MLLT10: variants seen among roughly 807,000 people sequenced by gnomAD.
MLLT10 encodes the protein MLLT10 histone lysine methyltransferase DOT1L cofactor, also known as protein AF-10.
A neutral mutation model predicts 129.1 loss-of-function variants in MLLT10; 30 were observed. The observed-to-expected ratio is 0.23, with a 90% CI of 0.17 to 0.32. The LOEUF is 0.32. MLLT10 is among the 10% of genes least tolerant of loss of function. MLLT10 has a pLI of 1.00. For missense variants in MLLT10, 1,119 were observed against 1,268.3 expected (o/e 0.88, Z 1.79); for synonymous variants, 490 against 446.4 (o/e 1.10, Z -1.23).
intron 17 of MLLT10, 129 bp downstream of exon 17, chr10:21,731,183 T>A: frequency 1.2e-6 from 1 of 847,454 alleles, no homozygotes; most frequent in Non-Finnish European, 1.8e-6. Context: ...TATAATACAG[T>A]GAGAGAAAGT....
chr10:21,589,921 C>G (rs933998820), intron 4 of MLLT10, among the ~76,000 whole-genome samples: 6 of 146,588 alleles, frequency 4.1e-5, no homozygotes, highest in African/African-American at 1.5e-4. Flanking sequence ...CTTCCCCTTC[C>G]CCTTTGTCTG....
intron 3 of MLLT10, among the ~76,000 whole-genome samples, chr10:21,553,268 T>C (rs1466137105): frequency 2.0e-5 from 3 of 152,188 alleles, no homozygotes; most frequent in Admixed American, 6.6e-5. Flanking sequence ...TTTGAAGATA[T>C]TTCTCTACTG....
intron 13 of MLLT10, among the ~76,000 whole-genome samples, chr10:21,691,677 ATAG>A (rs1205974200): frequency 2.0e-5 from 3 of 152,204 alleles, no homozygotes; most frequent in African/African-American, 7.2e-5. Context: ...ATGAGGGAAG[ATAG>A]TAGTAATTTG....
chr10:21,600,368 A>AACAC (rs199618726), intron 5 of MLLT10, among the ~76,000 whole-genome samples: 5,960 of 144,612 alleles, frequency 0.041, 279 homozygotes, highest in African/African-American at 0.12. Context: ...CCTGAGATAG[A>AACAC]ACACACACAC....
rs1174049337 is a variant in MLLT10 at position 21,743,554 on chromosome 10, T to C, written c.*1571T>C. 5.6e-6 allele frequency: 1 copy of C among 179,378 alleles called. No individual in the cohort carries two copies. Among genetic ancestry groups the C allele is most frequent in the African/African-American group, 2.4e-5 (1 of 42,436 alleles). 11.1% of individuals were successfully genotyped at this position (179,378 alleles called of 1,614,324 possible). A position where few individuals can be genotyped will look rare whatever the true frequency, so the allele number is the denominator to read the frequency against. On this transcript the variant is annotated 3_prime_UTR_variant, in exon 23 of 23. Coordinates refer to ENST00000307729, the MANE Select transcript of MLLT10 (RefSeq NM_001195626.3). ...ATGGTAAATTTTGAATGTGTTGTTA[T>C]TTTACCTAGATGTAAAATTCCACAT...
intron 3 of MLLT10, among the ~76,000 whole-genome samples, chr10:21,571,168 ATTCACATCCTTATGTCAG>A (rs1450007529): frequency 6.6e-6 from 1 of 152,238 alleles, no homozygotes; most frequent in Non-Finnish European, 1.5e-5. Flanking sequence ...TATGGGTACT[ATTCACATCCTTATGTCAG>A]TTCTGGATGC....
At chr10:21,658,119 A>G (rs1287427350) in intron 9 of MLLT10, among the ~76,000 whole-genome samples, 1 of 152,228 alleles carries the variant, frequency 6.6e-6, no homozygotes, top group Non-Finnish European at 1.5e-5. Context: ...TCAGAAGTCT[A>G]ATATATCATA....
intron 3 of MLLT10, among the ~76,000 whole-genome samples, chr10:21,576,991 C>T (rs139089449): frequency 6.6e-6 from 1 of 152,148 alleles, no homozygotes; most frequent in Non-Finnish European, 1.5e-5. Context: ...CACTTGTATC[C>T]CCTCAAGAAG....
chr10:21,636,975 T>C (rs2047520771), intron 8 of MLLT10, among the ~76,000 whole-genome samples: 1 of 152,214 alleles, frequency 6.6e-6, no homozygotes, highest in South Asian at 2.1e-4. Context: ...ATTACTTTTT[T>C]CTTCCTTCCT....
chr10:21,641,775 G>C (rs1002609144), intron 8 of MLLT10, among the ~76,000 whole-genome samples: 1 of 152,196 alleles, frequency 6.6e-6, no homozygotes, highest in Non-Finnish European at 1.5e-5. Flanking sequence ...TAGTTGGGGT[G>C]CTTTTAGCTC....
chr10:21,741,913 G>A lies in MLLT10; in HGVS notation c.3163-26G>A, dbSNP rs141741524. ...ATTATCAAAAGTTGATTTAGCTAAC[G>A]CATCTGCTCTTTTGTTTACCTGCAG... On this transcript the variant is annotated intron_variant, in intron 22 of 22. Transcript: ENST00000307729. The A allele has an allele frequency of 5.3e-3, 8,432 of 1,601,992 alleles. 47 individuals carry two copies. Among genetic ancestry groups the A allele is most frequent in the Non-Finnish European group, 5.8e-3 (6,828 of 1,175,274 alleles).
At chr10:21,644,673 A>G (rs1443644785) in intron 8 of MLLT10, among the ~76,000 whole-genome samples, 1 of 151,942 alleles carries the variant, frequency 6.6e-6, no homozygotes, top group Non-Finnish European at 1.5e-5. Context: ...ACACGGTCTC[A>G]CTCTGTCCCC....
rs541890465 is a variant in MLLT10, at chr10:21,542,321, C to T, written c.240+3409C>T. Among the ~76,000 whole-genome samples, 10 of 152,272 alleles carry T rather than the reference C, an allele frequency of 6.6e-5. No individual in the cohort carries two copies. The East Asian group carries it at 1.5e-3, about 24-fold the overall frequency. On this transcript the variant is annotated intron_variant, in intron 3 of 22. Transcript: ENST00000307729. ...TGGTGGCTCAAGCCTGTAATCCCAG[C>T]ACTTTGGGAGGCTCAGGTAGGCAGA...
chr10:21,599,581 A>G (rs1014963879), intron 5 of MLLT10, among the ~76,000 whole-genome samples: 1 of 151,974 alleles, frequency 6.6e-6, no homozygotes, highest in Admixed American at 6.6e-5. Flanking sequence ...TATTTGATCA[A>G]AGTGACCCTG....
chr10:21,727,574 A>C (rs995358139), intron 15 of MLLT10, among the ~76,000 whole-genome samples: 1 of 152,212 alleles, frequency 6.6e-6, no homozygotes, highest in Admixed American at 6.5e-5. Context: ...GGGAGGGTAC[A>C]GCAAATGCAA....
At chr10:21,596,340 G>C (rs1483964644) in intron 5 of MLLT10, among the ~76,000 whole-genome samples, 1 of 152,012 alleles carries the variant, frequency 6.6e-6, no homozygotes, top group Non-Finnish European at 1.5e-5. Context: ...TTGTGTTTCT[G>C]CTGTATTTTT....
rs151226671 is a variant in MLLT10, at chr10:21,722,642, G to A, written c.1879-3602G>A. Reference sequence around the variant, plus strand: ...GTCTATGAAACGCCAGACACTGTGTGTGCTCTCTTCAGTAAGCCGTCTTCC... The same window carrying A: ...GTCTATGAAACGCCAGACACTGTGTATGCTCTCTTCAGTAAGCCGTCTTCC... On this transcript the variant is annotated intron_variant, in intron 14 of 22. Coordinates refer to ENST00000307729, the MANE Select transcript of MLLT10 (RefSeq NM_001195626.3). 3.2e-3 allele frequency among the ~76,000 whole-genome samples: 491 copies of A among 152,258 alleles called. 1 individual carries two copies. Among genetic ancestry groups the A allele is most frequent in the African/African-American group, 0.011 (473 of 41,550 alleles).
At chr10:21,590,872 C>T (rs1012096741) in intron 4 of MLLT10, among the ~76,000 whole-genome samples, 40 of 152,082 alleles carry the variant, frequency 2.6e-4, no homozygotes, top group South Asian at 2.1e-4. Context: ...AACTTCTGCT[C>T]TTTATTATTT....
chr10:21,558,073 C>T (rs1266520879), intron 3 of MLLT10, among the ~76,000 whole-genome samples: 1 of 151,016 alleles, frequency 6.6e-6, no homozygotes, highest in Non-Finnish European at 1.5e-5. Flanking sequence ...CCTCAGCCTC[C>T]CAAGTAGCTG....
Sources: gnomAD v4.1 joint callset for allele counts (sites outside exome capture counted in the v4.1 genomes callset) on GRCh38, gnomAD v4.1.1 for gene constraint, MANE v1.5 for transcripts, NCBI Gene and HGNC (gene_info 2026-07-23, HGNC 2026-07-21) for gene names.